RAB11FIP3: variants seen among roughly 807,000 people sequenced by gnomAD.
RAB11FIP3 encodes the protein rab11 family-interacting protein 3.
In RAB11FIP3, 17 loss-of-function variants were observed where a neutral mutation model predicts 77.8. The observed-to-expected ratio is 0.22, with a 90% CI of 0.15 to 0.33. The LOEUF (loss-of-function observed/expected upper bound fraction) is 0.33. RAB11FIP3 is among the 10% of genes least tolerant of loss of function. RAB11FIP3 has a pLI of 1.00. For synonymous variants in RAB11FIP3, 437 were observed against 448.2 expected (o/e 0.98, Z 0.31); for missense variants, 1,005 against 1,011.2 (o/e 0.99, Z 0.08).
At chr16:469,322 C>T (rs2055769990) in intron 2 of RAB11FIP3, among the ~76,000 whole-genome samples, 1 of 152,186 alleles carries the variant, frequency 6.6e-6, no homozygotes, top group Admixed American at 6.6e-5. Flanking sequence ...GATCTGCCCA[C>T]CTCAGCCTCC....
rs140132079 is a variant in RAB11FIP3, at chr16:446,950, C to T, written c.715-14454C>T. Among the ~76,000 whole-genome samples the T allele has an allele frequency of 9.0e-3, 1,362 of 150,858 alleles. 21 individuals carry two copies. Among genetic ancestry groups the T allele is most frequent in the African/African-American group, 0.031 (1,291 of 41,132 alleles). The stretch of plus-strand genomic sequence containing the variant: ...TCCTGACCTCATGATCTGCCTGCCT[C>T]GGCCTCCCAAAGTGCTGGGATTACA... On this transcript the variant is annotated intron_variant, in intron 1 of 13. Transcript: ENST00000262305.
intron 6 of RAB11FIP3, among the ~76,000 whole-genome samples, chr16:501,641 C>T (rs2031530443): frequency 6.7e-6 from 1 of 148,252 alleles, no homozygotes. Flanking sequence ...GGAGAGGGTC[C>T]CCCCATTTCA....
At chr16:495,432 G>A (rs2031035508) in intron 5 of RAB11FIP3, among the ~76,000 whole-genome samples, 2 of 152,228 alleles carry the variant, frequency 1.3e-5, no homozygotes, top group Admixed American at 6.5e-5. Context: ...CTTGGCAGAG[G>A]CACCCCTAGA....
At position 459,353 on chromosome 16, in the gene RAB11FIP3, G is replaced by T. The variant is rs184819388; in HGVS notation, c.715-2051G>T. Among the ~76,000 whole-genome samples the T allele has an allele frequency of 6.0e-3, 913 of 151,176 alleles. 10 individuals are homozygous for T. Among genetic ancestry groups the T allele is most frequent in the African/African-American group, 0.021 (868 of 41,162 alleles). On this transcript the variant is annotated intron_variant, in intron 1 of 13. Transcript: ENST00000262305. ...GTTGGTGAGGCTGGTCTCGAACTCC[G>T]GACCTCAGGTGATCCGCCTGCTTCA...
At chr16:504,075 C>G (rs1197210748) in intron 7 of RAB11FIP3, among the ~76,000 whole-genome samples, 14 of 72,238 alleles carry the variant, frequency 1.9e-4, no homozygotes, top group African/African-American at 7.8e-4. Flanking sequence ...TACCCCCTCA[C>G]CTCCTTGTGT....
chr16:520,781 T>G lies in RAB11FIP3; in HGVS notation c.2213T>G (p.Ile738Ser). 6.2e-7 allele frequency: 1 copy of G among 1,613,712 alleles called. No individual in the cohort carries two copies. The highest frequency in any genetic ancestry group is 8.5e-7 in the Non-Finnish European group (1 of 1,179,994). Residue 738 changes from isoleucine (I) to serine (S), a missense_variant, in exon 14 of 14, where the codon ATC becomes AGC. Ile to Ser is a moderately radical substitution (Grantham distance 142). This residue lies in a region of RAB11FIP3 where 90 missense variants were observed against 129.7 expected (regional missense o/e 0.69). Transcript: ENST00000262305. ...EEINFRLQDYIDRIIVAIMET... is the reference protein window; with the variant it reads ...EEINFRLQDYSDRIIVAIMET... ...ATCAACTTCCGCCTGCAGGACTACA[T>G]CGACAGGATCATCGTGGCCATCATG... is the stretch of plus-strand genomic sequence containing the variant.
In RAB11FIP3 at chr16:482,643, A is replaced by G. The variant is rs2056068630; in HGVS notation, c.1022A>G (p.Asp341Gly). The change falls in exon 4 of 14, where the codon GAC (aspartate) becomes GGC (glycine). Residue 341 changes from aspartate (D) to glycine (G), a missense_variant. Physicochemically the swap from Asp to Gly is moderately conservative, Grantham distance 94. Transcript: ENST00000262305. ...LVHPELQPEG[D>G]ADSAGGSAVP... is the part of the protein sequence containing the mutation. ...CACCCTGAGCTGCAACCTGAAGGGG[A>G]CGCAGACAGTGCCGGCGGCTCGGCC... 1 of 1,613,358 alleles carries G rather than the reference A, an allele frequency of 6.2e-7. No homozygotes were observed. The highest frequency in any genetic ancestry group is 8.5e-7 in the Non-Finnish European group (1 of 1,180,042).
intron 5 of RAB11FIP3, among the ~76,000 whole-genome samples, chr16:490,876 C>G (rs1203661392): frequency 6.6e-6 from 1 of 152,156 alleles, no homozygotes; most frequent in Non-Finnish European, 1.5e-5. Flanking sequence ...TTCTGGGCAC[C>G]CGACCCAGAG....
intron 9 of RAB11FIP3, among the ~76,000 whole-genome samples, chr16:511,551 G>A (rs1242917135): frequency 1.7e-4 from 10 of 59,502 alleles, no homozygotes; most frequent in Non-Finnish European, 2.4e-4. Context: ...CCGACGGCCC[G>A]CCAACCCCAG....
At chr16:493,747 C>T (rs992200978) in intron 5 of RAB11FIP3, among the ~76,000 whole-genome samples, 1 of 149,508 alleles carries the variant, frequency 6.7e-6, no homozygotes, top group African/African-American at 2.5e-5. Flanking sequence ...GCTGGGACTA[C>T]AGGCGCCCAT....
At chr16:468,271 TCAGGGAGGAGG>T (rs2055751262) in intron 2 of RAB11FIP3, among the ~76,000 whole-genome samples, 4 of 138,228 alleles carry the variant, frequency 2.9e-5, no homozygotes, top group African/African-American at 5.6e-5. Flanking sequence ...TGCAGGGAAG[TCAGGGAGGAGG>T]TGCAGGGGCG....
chr16:430,091 A>T (rs545953545), intron 1 of RAB11FIP3, among the ~76,000 whole-genome samples: 1 of 152,180 alleles, frequency 6.6e-6, no homozygotes, highest in Non-Finnish European at 1.5e-5. Context: ...TTCTGGTTAT[A>T]TTTTTTTGAA....
In RAB11FIP3 at chr16:461,094, C is replaced by T. The variant is rs13329988; in HGVS notation, c.715-310C>T. ...TTCATAGAAGACGCCTTTCCACAGA[C>T]GGGCAGGGCGTTGGGGTGGTTTCAG... On this transcript the variant is annotated intron_variant, in intron 1 of 13. Transcript: ENST00000262305. This position sits in a 1 kb window ranked among gnomAD's most constrained non-coding sequence, Gnocchi z 4.5. Among the ~76,000 whole-genome samples, 8,524 of 152,254 alleles carry T rather than the reference C, an allele frequency of 0.056. 769 individuals carry two copies. Among genetic ancestry groups the T allele is most frequent in the African/African-American group, 0.19 (8,071 of 41,506 alleles).
At chr16:489,289 G>A (rs1485947342) in intron 5 of RAB11FIP3, among the ~76,000 whole-genome samples, 3 of 152,242 alleles carry the variant, frequency 2.0e-5, no homozygotes, top group African/African-American at 7.2e-5. Flanking sequence ...CTCCTTTGCT[G>A]TGGGCCGTGG....
At position 503,041 on chromosome 16, in the gene RAB11FIP3, C is replaced by T; in HGVS notation, c.1339C>T (p.Leu447=). 1.9e-6 allele frequency: 3 copies of T among 1,613,288 alleles called. No homozygotes were observed. Among genetic ancestry groups the T allele is most frequent in the East Asian group, 2.2e-5 (1 of 44,870 alleles). ...GTCAGGGGCCCTGACCATGGAGGCC[C>T]TGGAGGACCCTTCCCCCGAGCTCAT... is the stretch of plus-strand genomic sequence containing the variant. The part of the protein sequence containing the change: ...HQSGALTMEA[L]EDPSPELMEG... Residue 447 remains leucine, a synonymous_variant, in exon 7 of 14, where the codon CTG becomes TTG. Coordinates refer to ENST00000262305, the MANE Select transcript of RAB11FIP3 (RefSeq NM_014700.4).
intron 2 of RAB11FIP3, among the ~76,000 whole-genome samples, chr16:463,129 C>A (rs1450813311): frequency 6.6e-6 from 1 of 152,124 alleles, no homozygotes; most frequent in South Asian, 2.1e-4. Flanking sequence ...ATACACTGTC[C>A]GTCTTACGTC....
At position 506,593 on chromosome 16, in the gene RAB11FIP3, C is replaced by T. The variant is rs774705024; in HGVS notation, c.1499+966C>T. On this transcript the variant is annotated intron_variant, in intron 8 of 13. Transcript: ENST00000262305. The surrounding 1 kb of genome is among the most constrained non-coding windows in gnomAD (Gnocchi z 4.5). ...GCACACACGTGTGTTGGCAGCAGGGCATTTGTGGTCAGCATCCCCAAAGCC... is the reference window on the plus strand; with the variant it reads ...GCACACACGTGTGTTGGCAGCAGGGTATTTGTGGTCAGCATCCCCAAAGCC... Among the ~76,000 whole-genome samples, 1 of 152,216 alleles carries T rather than the reference C, an allele frequency of 6.6e-6. No individual in the cohort carries two copies. The highest frequency in any genetic ancestry group is 1.5e-5 in the Non-Finnish European group (1 of 68,040).
At chr16:460,106 G>A (rs1300258525) in intron 1 of RAB11FIP3, among the ~76,000 whole-genome samples, 1 of 152,010 alleles carries the variant, frequency 6.6e-6, no homozygotes, top group Non-Finnish European at 1.5e-5. Context: ...GGAACTCCCA[G>A]CCTCAGGTGA....
chr16:449,531 A>G (rs12919379), intron 1 of RAB11FIP3, among the ~76,000 whole-genome samples: 60,922 of 151,564 alleles, frequency 0.4, 13,695 homozygotes, highest in Middle Eastern at 0.54. Flanking sequence ...CTGTAGTCCC[A>G]GCTACTCAGG....
Sources: gnomAD v4.1 joint callset for allele counts (sites outside exome capture counted in the v4.1 genomes callset) on GRCh38, gnomAD v4.1.1 for gene constraint, gnomAD v4.1.1 regional missense constraint, Gnocchi (gnomAD v3.1) non-coding constraint, MANE v1.5 for transcripts, NCBI Gene and HGNC (gene_info 2026-07-23, HGNC 2026-07-21) for gene names.